MAGI1: variants seen among roughly 807,000 people sequenced by gnomAD.
The protein encoded by MAGI1 is membrane associated guanylate kinase, WW and PDZ domain containing 1.
MAGI1 carries 58 observed loss-of-function variants against 139.9 expected under a neutral mutation model. The observed-to-expected ratio is 0.41, with a 90% CI of 0.34 to 0.52. The LOEUF is 0.52. Ranked by LOEUF, MAGI1 falls within the 20% of genes least tolerant of loss-of-function variation. The pLI is 0.12. For missense variants in MAGI1, 1,874 were observed against 1,901.6 expected (o/e 0.99, Z 0.27); for synonymous variants, 812 against 737.9 (o/e 1.10, Z -1.63).
At chr3:65,966,702 T>C (rs1304540042) in intron 1 of MAGI1, among the ~76,000 whole-genome samples, 2 of 152,158 alleles carry the variant, frequency 1.3e-5, no homozygotes, top group East Asian at 3.8e-4. Flanking sequence ...TGCTGCTAAT[T>C]ACGAGGCATC....
At chr3:65,730,910 G>GTT (rs5849687) in intron 1 of MAGI1, among the ~76,000 whole-genome samples, 1 of 145,284 alleles carries the variant, frequency 6.9e-6, no homozygotes, top group African/African-American at 2.5e-5. Flanking sequence ...CGGGGTTTTT[G>GTT]TTTTTTTTTT....
At chr3:65,465,216 G>A (rs1274649463) in intron 5 of MAGI1, among the ~76,000 whole-genome samples, 1 of 151,112 alleles carries the variant, frequency 6.6e-6, no homozygotes, top group Non-Finnish European at 1.5e-5. Flanking sequence ...AATTTAAAGA[G>A]ATGCCAATTA....
chr3:65,459,445 C>A (rs796765981), intron 5 of MAGI1, among the ~76,000 whole-genome samples: 1 of 152,192 alleles, frequency 6.6e-6, no homozygotes, highest in East Asian at 1.9e-4. Context: ...CGGAATACAA[C>A]TGCTATTTAT....
intron 12 of MAGI1, among the ~76,000 whole-genome samples, chr3:65,412,472 T>G (rs1382849175): frequency 6.6e-6 from 1 of 152,240 alleles, no homozygotes; most frequent in African/African-American, 2.4e-5. Context: ...TGTCTATTAT[T>G]TATATTGTTT....
intron 2 of MAGI1, among the ~76,000 whole-genome samples, chr3:65,589,613 A>T (rs2081867012): frequency 6.6e-6 from 1 of 152,128 alleles, no homozygotes; most frequent in Non-Finnish European, 1.5e-5. Context: ...TTTTCTGTCA[A>T]GGGTCAGATA....
intron 2 of MAGI1, among the ~76,000 whole-genome samples, chr3:65,504,376 A>G (rs922846572): frequency 1.9e-4 from 29 of 152,250 alleles, no homozygotes; most frequent in African/African-American, 7.0e-4. Context: ...TATCTCATTT[A>G]ATCCTTGCAA....
intron 1 of MAGI1, among the ~76,000 whole-genome samples, chr3:65,995,510 C>A (rs1168720070): frequency 1.3e-5 from 2 of 151,238 alleles, no homozygotes; most frequent in Non-Finnish European, 2.9e-5. Context: ...TCCATTTCCC[C>A]ATAAGGATAT....
chr3:65,859,430 A>G (rs897213252), intron 1 of MAGI1, among the ~76,000 whole-genome samples: 22 of 149,516 alleles, frequency 1.5e-4, no homozygotes, highest in Non-Finnish European at 1.0e-4. Flanking sequence ...AAGCAACTTA[A>G]AACTTTAAGG....
At chr3:65,996,012 A>T (rs1490765472) in intron 1 of MAGI1, among the ~76,000 whole-genome samples, 4 of 152,092 alleles carry the variant, frequency 2.6e-5, no homozygotes, top group Non-Finnish European at 5.9e-5. Context: ...AACAAAACAA[A>T]ACAAAAACGG....
chr3:65,511,852 AT>A (rs1283098269), intron 2 of MAGI1, among the ~76,000 whole-genome samples: 1 of 115,578 alleles, frequency 8.7e-6, no homozygotes, highest in African/African-American at 3.3e-5. Context: ...CAGAATATAC[AT>A]TTTTTTCAGC....
At chr3:65,772,937 G>A (rs753018673) in intron 1 of MAGI1, among the ~76,000 whole-genome samples, 5 of 152,166 alleles carry the variant, frequency 3.3e-5, no homozygotes, top group Admixed American at 6.5e-5. Flanking sequence ...CCAGATGAAA[G>A]TTACCAGGAA....
intron 1 of MAGI1, among the ~76,000 whole-genome samples, chr3:66,004,412 C>T (rs2066909010): frequency 6.6e-6 from 1 of 152,150 alleles, no homozygotes; most frequent in Admixed American, 6.5e-5. Flanking sequence ...TGCGTGGTCT[C>T]TCTGTGTGGG....
chr3:65,692,969 T>C (rs565466126), intron 1 of MAGI1, among the ~76,000 whole-genome samples: 10 of 152,266 alleles, frequency 6.6e-5, no homozygotes, highest in Admixed American at 5.9e-4. Context: ...TCTTGCTCTG[T>C]TGCCCAGACT....
intron 12 of MAGI1, among the ~76,000 whole-genome samples, chr3:65,429,183 A>C (rs999543607): frequency 6.6e-6 from 1 of 152,086 alleles, no homozygotes; most frequent in Non-Finnish European, 1.5e-5. Flanking sequence ...GTCTGGACTC[A>C]AATGCCTGGG....
rs145495289 is a variant in MAGI1 at position 65,540,366 on chromosome 3, T to C, written c.431-46735A>G. 2.2e-3 allele frequency among the ~76,000 whole-genome samples: 334 copies of C among 152,288 alleles called. 1 individual carries two copies. The highest frequency in any genetic ancestry group is 7.4e-3 in the African/African-American group (306 of 41,558). ...ATCACTTCCTGGCATTTTATATTTA[T>C]TTTGGGTGTTTTTTTCTATATTCAT... is the stretch of plus-strand genomic sequence containing the variant. On this transcript the variant is annotated intron_variant, in intron 2 of 22. Transcript: ENST00000402939.
At chr3:65,364,232 T>G (rs921260474) in intron 20 of MAGI1, among the ~76,000 whole-genome samples, 1 of 150,428 alleles carries the variant, frequency 6.6e-6, no homozygotes, top group African/African-American at 2.4e-5. Flanking sequence ...GTTCCTCAAA[T>G]TTGTTTCACC....
At chr3:65,369,815 G>A (rs1238425629) in intron 18 of MAGI1, among the ~76,000 whole-genome samples, 1 of 152,148 alleles carries the variant, frequency 6.6e-6, no homozygotes, top group Non-Finnish European at 1.5e-5. Context: ...GGCCCCAGAC[G>A]TGATGGATTT....
Position 66,038,171 on chromosome 3 carries a change from C to G in MAGI1, c.138G>C (p.Ala46=). Residue 46 remains alanine (A), a synonymous_variant, in exon 1 of 23, where the codon GCG becomes GCC. Transcript: ENST00000402939. ...AEHGEFPYVG[A]VAAVEAAGLP... ...GCCCCGCTGCCTCGACCGCCGCCAC[C>G]GCTCCGACGTACGGAAACTCCCCGT... 6.2e-7 allele frequency: 1 copy of G among 1,612,104 alleles called. No individual in the cohort carries two copies. Among genetic ancestry groups the G allele is most frequent in the Non-Finnish European group, 8.5e-7 (1 of 1,179,522 alleles).
At chr3:65,402,832 G>A (rs531195406) in intron 12 of MAGI1, among the ~76,000 whole-genome samples, 64 of 152,220 alleles carry the variant, frequency 4.2e-4, no homozygotes, top group African/African-American at 1.5e-3. Flanking sequence ...GCACTCTCTG[G>A]CAAGGTTCCT....
Sources: allele counts gnomAD v4.1 joint callset (sites outside exome capture counted in the v4.1 genomes callset), GRCh38; gene constraint gnomAD v4.1.1; transcripts MANE v1.5; gene names NCBI Gene and HGNC (gene_info 2026-07-23, HGNC 2026-07-21).